FOXD1: variants seen among roughly 807,000 people sequenced by gnomAD.
FOXD1 encodes forkhead box protein D1.
Under a neutral mutation model 2.0 loss-of-function variants are expected in FOXD1, and 4 were observed. The observed-to-expected ratio is 2.03, with a 90% confidence interval of 1.00 to 4.64. The LOEUF (loss-of-function observed/expected upper bound fraction) is 4.64. FOXD1 is among the 30% of genes most tolerant of loss of function. FOXD1 has a pLI of 0.01. For missense variants in FOXD1, 586 were observed against 647.6 expected, an observed-to-expected ratio of 0.90 and a Z score of 1.03; for synonymous variants, 354 against 328.5, an observed-to-expected ratio of 1.08 and a Z score of -0.84.
At position 73,447,575 on chromosome 5, in the gene FOXD1, G is replaced by C; in HGVS notation, c.788C>G (p.Pro263Arg). The change falls in exon 1 of 1, where the codon CCG becomes CGG. Residue 263 changes from proline to arginine, a missense_variant. By Grantham distance (103) the Pro-to-Arg change is moderately radical. Around this residue, in one of 4 missense-constraint regions of FOXD1, gnomAD observed 253 missense variants for 234.4 expected, o/e 1.08. Transcript: ENST00000615637. The surrounding 1 kb of genome is among the most constrained non-coding windows in gnomAD (Gnocchi z 7.8). ...AAAALFPPAP[P>R]PPPHAYGYGP... ...GTAGCCGTAGGCATGCGGGGGCGGC[G>C]GGGGCGCGGGCGGGAAGAGCGCGGC... 17 of 1,103,048 alleles carry C rather than the reference G, an allele frequency of 1.5e-5. No individual in the cohort carries two copies. Among genetic ancestry groups the C allele is most frequent in the Non-Finnish European group, 1.9e-5 (17 of 902,366 alleles). 68.3% of individuals were successfully genotyped at this position (1,103,048 alleles called of 1,614,324 possible). A position where few individuals can be genotyped will look rare whatever the true frequency, so the allele number is the denominator to read the frequency against.
In FOXD1 at chr5:73,448,742, C is replaced by G. The variant is rs1017221021; in HGVS notation, c.-380G>C. ...AGGAACGTGCGGGACGGGTGAGAGT[C>G]TAAGAACAGAGCTCGGCGAGGCCAG... On this transcript the variant is annotated 5_prime_UTR_variant, in exon 1 of 1. Transcript: ENST00000615637. Among the ~76,000 whole-genome samples the G allele has an allele frequency of 3.3e-5, 5 of 151,024 alleles. No homozygotes were observed. The highest frequency in any genetic ancestry group is 1.2e-4 in the African/African-American group (5 of 41,094).
chr5:73,447,182 G>C lies in FOXD1; in HGVS notation c.1181C>G (p.Pro394Arg). The C allele has an allele frequency of 9.7e-7, 1 of 1,035,360 alleles. No individual in the cohort carries two copies. Among genetic ancestry groups the C allele is most frequent in the Non-Finnish European group, 1.2e-6 (1 of 866,364 alleles). The allele number at this position is 1,035,360 out of a possible 1,614,324, so 64.1% of individuals were successfully genotyped here. A position where few individuals can be genotyped will look rare whatever the true frequency, so the allele number is the denominator to read the frequency against. The stretch of plus-strand genomic sequence containing the variant: ...AGCTGGCGGCGCCGCCACCGGCGAG[G>C]GCGAGGGCGAGGCCTGAGCGGCGGC... Reference protein sequence around the residue: ...AAAAAQASPSPSPVAAPPAPG... With the variant: ...AAAAAQASPSRSPVAAPPAPG... The change falls in exon 1 of 1, where the codon CCC becomes CGC. Residue 394 changes from proline to arginine, a missense_variant. By Grantham distance (103) the Pro-to-Arg change is moderately radical (BLOSUM62 -2). Coordinates refer to ENST00000615637, the MANE Select transcript of FOXD1 (RefSeq NM_004472.3). This position sits in a 1 kb window ranked among gnomAD's most constrained non-coding sequence, Gnocchi z 7.8.
chr5:73,447,459 C>G lies in FOXD1; in HGVS notation c.904G>C (p.Ala302Pro), dbSNP rs1200614786. 2.0e-6 allele frequency: 2 copies of G among 986,332 alleles called. No individual in the cohort carries two copies. Among genetic ancestry groups the G allele is most frequent in the Non-Finnish European group, 2.4e-6 (2 of 833,694 alleles). The allele number at this position is 986,332 out of a possible 1,614,324, so 61.1% of individuals were successfully genotyped here. Residue 302 changes from alanine (A) to proline (P), a missense_variant, in exon 1 of 1, where the codon GCC becomes CCC. Physicochemically the swap from Ala to Pro is conservative, Grantham distance 27. Coordinates refer to ENST00000615637, the MANE Select transcript of FOXD1 (RefSeq NM_004472.3). This position sits in a 1 kb window ranked among gnomAD's most constrained non-coding sequence, Gnocchi z 7.8. ...FAAAAAAAAA[A>P]AFHPHSPPPP... ...GGGGGCGAGTGCGGGTGGAAGGCGG[C>G]GGCGGCGGCGGCGGCCGCTGCGGCG...
chr5:73,447,682 G>C lies in FOXD1; in HGVS notation c.681C>G (p.Leu227=). Residue 227 remains leucine, a synonymous_variant, in exon 1 of 1, where the codon CTC becomes CTG. Coordinates refer to ENST00000615637, the MANE Select transcript of FOXD1 (RefSeq NM_004472.3). This position sits in a 1 kb window ranked among gnomAD's most constrained non-coding sequence, Gnocchi z 7.8. The stretch of plus-strand genomic sequence containing the variant: ...ACTCGGCGGCCGCGGCGTTGGGTGG[G>C]AGCAGCGGCTGCCGCTTGAAGCGCT... ...RRKRFKRQPL[L]PPNAAAAESL... is the part of the protein sequence containing the mutation. 6.2e-7 allele frequency: 1 copy of C among 1,602,274 alleles called. No individual in the cohort carries two copies.
chr5:73,448,103 G>A lies in FOXD1; in HGVS notation c.260C>T (p.Pro87Leu), dbSNP rs1315272982. 18 of 1,181,554 alleles carry A rather than the reference G, an allele frequency of 1.5e-5. 1 individual carries two copies. Among genetic ancestry groups the A allele is most frequent in the Non-Finnish European group, 1.8e-5 (17 of 952,682 alleles). 73.2% of individuals were successfully genotyped at this position (1,181,554 alleles called of 1,614,324 possible). A position where few individuals can be genotyped will look rare whatever the true frequency, so the allele number is the denominator to read the frequency against. Residue 87 changes from proline to leucine, a missense_variant, in exon 1 of 1, where the codon CCG (proline) becomes CTG (leucine). By Grantham distance (98) the Pro-to-Leu change is moderately conservative. Transcript: ENST00000615637. Reference sequence around the variant, plus strand: ...CGCCGGGGCCGGGCCCGGGGGCGCCGGGGAGCCCCCAGCAGGCGGGGCCAG... The same window carrying A: ...CGCCGGGGCCGGGCCCGGGGGCGCCAGGGAGCCCCCAGCAGGCGGGGCCAG... ...ILLAPPAGGS[P>L]APPGPAPAAG...
Position 73,448,165 on chromosome 5 carries a change from C to T in FOXD1, c.198G>A (p.Glu66=), listed in dbSNP as rs1745546135. 7.0e-7 allele frequency: 1 copy of T among 1,437,980 alleles called. No homozygotes were observed. 89.1% of individuals were successfully genotyped at this position (1,437,980 alleles called of 1,614,324 possible). ...CGTCGTCCTCCTCCTCCTCCAGATCCTCCAGCTCGTCCTCCCCGGCGTACG... is the reference window on the plus strand; with the variant it reads ...CGTCGTCCTCCTCCTCCTCCAGATCTTCCAGCTCGTCCTCCCCGGCGTACG... The part of the protein sequence containing the change: ...RRSYAGEDEL[E]DLEEEEDDDD... The change falls in exon 1 of 1, where the codon GAG becomes GAA. Residue 66 remains glutamate (E), a synonymous_variant. Transcript: ENST00000615637.
chr5:73,448,202 CGCCGCCGCTGCGCGGGGACAGCCA>C lies in FOXD1; in HGVS notation c.137_160del (p.Leu46_Arg53del), dbSNP rs1745547115. Reference sequence around the variant, plus strand: ...CTCCCCGGCGTACGAGCGCCGCCGCCGCCGCCGCTGCGCGGGGACAGCCAGCCGGGGCCCGCCACCGCCGCCCTC... The same window carrying C: ...CTCCCCGGCGTACGAGCGCCGCCGCCGCCGGGGCCCGCCACCGCCGCCCTC... On this transcript the variant is annotated inframe_deletion, in exon 1 of 1. Coordinates refer to ENST00000615637, the MANE Select transcript of FOXD1 (RefSeq NM_004472.3). 6.8e-7 allele frequency: 1 copy of C among 1,460,894 alleles called. No individual in the cohort carries two copies. The highest frequency in any genetic ancestry group is 9.1e-7 in the Non-Finnish European group (1 of 1,101,220). 90.5% of individuals were successfully genotyped at this position (1,460,894 alleles called of 1,614,324 possible).
Position 73,448,336 on chromosome 5 carries a change from A to T in FOXD1, c.27T>A (p.Asp9Glu). MTLSTEMS[D>E]ASGLAEETDI... ...CTGTTTCCTCGGCGAGGCCAGAGGCATCGGACATCTCAGTGCTCAGGGTCA... is the reference window on the plus strand; with the variant it reads ...CTGTTTCCTCGGCGAGGCCAGAGGCTTCGGACATCTCAGTGCTCAGGGTCA... The change falls in exon 1 of 1, where the codon GAT becomes GAA. Residue 9 changes from aspartate (D) to glutamate (E), a missense_variant. Asp to Glu is a conservative substitution (Grantham distance 45). Around this residue, in one of 4 missense-constraint regions of FOXD1, gnomAD observed 183 missense variants for 159.2 expected, o/e 1.15. Transcript: ENST00000615637. 1 of 1,439,726 alleles carries T rather than the reference A, an allele frequency of 6.9e-7. No individual in the cohort carries two copies. The highest frequency in any genetic ancestry group is 9.2e-7 in the Non-Finnish European group (1 of 1,085,198). The allele number at this position is 1,439,726 out of a possible 1,614,324, so 89.2% of individuals were successfully genotyped here.
Position 73,448,103 on chromosome 5 carries a change from G to T in FOXD1, c.260C>A (p.Pro87Gln). ...CGCCGGGGCCGGGCCCGGGGGCGCC[G>T]GGGAGCCCCCAGCAGGCGGGGCCAG... is the stretch of plus-strand genomic sequence containing the variant. ...ILLAPPAGGS[P>Q]APPGPAPAAG... Residue 87 changes from proline to glutamine, a missense_variant, in exon 1 of 1, where the codon CCG becomes CAG. This residue lies in a region of FOXD1 where 183 missense variants were observed against 159.2 expected (regional missense o/e 1.15). Coordinates refer to ENST00000615637, the MANE Select transcript of FOXD1 (RefSeq NM_004472.3). 1 of 1,181,668 alleles carries T rather than the reference G, an allele frequency of 8.5e-7. No individual in the cohort carries two copies. Among genetic ancestry groups the T allele is most frequent in the Non-Finnish European group, 1.0e-6 (1 of 952,672 alleles). The allele number at this position is 1,181,668 out of a possible 1,614,324, so 73.2% of individuals were successfully genotyped here. A position where few individuals can be genotyped will look rare whatever the true frequency, so the allele number is the denominator to read the frequency against.
Position 73,448,076 on chromosome 5 carries a change from G to C in FOXD1, c.287C>G (p.Ala96Gly). 1 of 1,120,728 alleles carries C rather than the reference G, an allele frequency of 8.9e-7. No homozygotes were observed. The highest frequency in any genetic ancestry group is 1.1e-6 in the Non-Finnish European group (1 of 915,290). The allele number at this position is 1,120,728 out of a possible 1,614,324, so 69.4% of individuals were successfully genotyped here. A position where few individuals can be genotyped will look rare whatever the true frequency, so the allele number is the denominator to read the frequency against. The change falls in exon 1 of 1, where the codon GCG becomes GGG. Residue 96 changes from alanine (A) to glycine (G), a missense_variant. Ala to Gly is a moderately conservative substitution (Grantham distance 60, BLOSUM62 0). This residue lies in a region of FOXD1 where 183 missense variants were observed against 159.2 expected (regional missense o/e 1.15). Transcript: ENST00000615637. ...GCCGCCCCCACCGGCTCCTGCCCCC[G>C]CCGCCGGGGCCGGGCCCGGGGGCGC... ...SPAPPGPAPA[A>G]GAGAGGGGGG...
Position 73,447,604 on chromosome 5 carries a change from G to T in FOXD1, c.759C>A (p.Ala253=). ...GCGCGGGCGGGAAGAGCGCGGCGGC[G>T]GCTGCCGGGTCGCCCGCGCCCCCTG... ...GAAGGAGDPA[A]AAALFPPAPP... The change falls in exon 1 of 1, where the codon GCC becomes GCA. Residue 253 remains alanine, a synonymous_variant. Transcript: ENST00000615637. This position sits in a 1 kb window ranked among gnomAD's most constrained non-coding sequence, Gnocchi z 7.8. 5 of 1,212,980 alleles carry T rather than the reference G, an allele frequency of 4.1e-6. No homozygotes were observed. The highest frequency in any genetic ancestry group is 5.2e-6 in the Non-Finnish European group (5 of 970,450). 75.1% of individuals were successfully genotyped at this position (1,212,980 alleles called of 1,614,324 possible).
chr5:73,448,226 A>G lies in FOXD1; in HGVS notation c.137T>C (p.Leu46Pro). The G allele has an allele frequency of 6.8e-7, 1 of 1,477,472 alleles. No individual in the cohort carries two copies. Among genetic ancestry groups the G allele is most frequent in the Non-Finnish European group, 9.0e-7 (1 of 1,107,936 alleles). The allele number at this position is 1,477,472 out of a possible 1,614,324, so 91.5% of individuals were successfully genotyped here. A position where few individuals can be genotyped will look rare whatever the true frequency, so the allele number is the denominator to read the frequency against. ...CCGCCGCCGCTGCGCGGGGACAGCC[A>G]GCCGGGGCCCGCCACCGCCGCCCTC... ...DDEGGGGGPR[L>P]AVPAQRRRRR... The change falls in exon 1 of 1, where the codon CTG becomes CCG. Residue 46 changes from leucine to proline, a missense_variant. By Grantham distance (98) the Leu-to-Pro change is moderately conservative. Transcript: ENST00000615637.
Position 73,446,849 on chromosome 5 carries a change from G to A in FOXD1, c.*116C>T. ...CGAGAATTCGCAGCGGCGAAAATGG[G>A]CGCGCGAGGTCGAGAGGGGCCGCGC... On this transcript the variant is annotated 3_prime_UTR_variant, in exon 1 of 1. Coordinates refer to ENST00000615637, the MANE Select transcript of FOXD1 (RefSeq NM_004472.3). The A allele has an allele frequency of 3.3e-6, 3 of 904,788 alleles. No homozygotes were observed. Among genetic ancestry groups the A allele is most frequent in the Non-Finnish European group, 5.0e-6 (3 of 600,872 alleles). 56.0% of individuals were successfully genotyped at this position (904,788 alleles called of 1,614,324 possible).
chr5:73,448,776 C>T lies in FOXD1; in HGVS notation c.-414G>A, dbSNP rs191974635. On this transcript the variant is annotated 5_prime_UTR_variant, in exon 1 of 1. Coordinates refer to ENST00000615637, the MANE Select transcript of FOXD1 (RefSeq NM_004472.3). Reference sequence around the variant, plus strand: ...GAGCTCGGCGAGGCCAGGGCTGAGTCCAGGAGAGGGCGGACCTTCCTCGGC... The same window carrying T: ...GAGCTCGGCGAGGCCAGGGCTGAGTTCAGGAGAGGGCGGACCTTCCTCGGC... Among the ~76,000 whole-genome samples the T allele has an allele frequency of 6.6e-6, 1 of 152,162 alleles. No individual in the cohort carries two copies. Among genetic ancestry groups the T allele is most frequent in the Admixed American group, 6.5e-5 (1 of 15,288 alleles).
At position 73,447,859 on chromosome 5, in the gene FOXD1, G is replaced by A. The variant is rs1745536245; in HGVS notation, c.504C>T (p.Ala168=). The part of the protein sequence containing the change: ...RFPYYREKFP[A]WQNSIRHNLS... ...GGTTGTGGCGGATGCTGTTCTGCCA[G>A]GCGGGGAACTTCTCCCGGTAGTAGG... is the stretch of plus-strand genomic sequence containing the variant. The change falls in exon 1 of 1, where the codon GCC becomes GCT. Residue 168 remains alanine (A), a synonymous_variant. Transcript: ENST00000615637. This position sits in a 1 kb window ranked among gnomAD's most constrained non-coding sequence, Gnocchi z 7.8. 1 of 1,611,790 alleles carries A rather than the reference G, an allele frequency of 6.2e-7. No individual in the cohort carries two copies.
At position 73,447,574 on chromosome 5, in the gene FOXD1, C is replaced by T. The variant is rs1486995723; in HGVS notation, c.789G>A (p.Pro263=). 25 of 1,032,064 alleles carry T rather than the reference C, an allele frequency of 2.4e-5. No individual in the cohort carries two copies. The highest frequency in any genetic ancestry group is 2.2e-5 in the Non-Finnish European group (19 of 854,102). 63.9% of individuals were successfully genotyped at this position (1,032,064 alleles called of 1,614,324 possible). A position where few individuals can be genotyped will look rare whatever the true frequency, so the allele number is the denominator to read the frequency against. ...CGTAGCCGTAGGCATGCGGGGGCGGCGGGGGCGCGGGCGGGAAGAGCGCGG... is the reference window on the plus strand; with the variant it reads ...CGTAGCCGTAGGCATGCGGGGGCGGTGGGGGCGCGGGCGGGAAGAGCGCGG... The part of the protein sequence containing the change: ...AAAALFPPAP[P]PPPHAYGYGP... The change falls in exon 1 of 1, where the codon CCG becomes CCA. Residue 263 remains proline, a synonymous_variant. Transcript: ENST00000615637. The surrounding 1 kb of genome is among the most constrained non-coding windows in gnomAD (Gnocchi z 7.8).
Position 73,446,884 on chromosome 5 carries a change from C to G in FOXD1, c.*81G>C. The stretch of plus-strand genomic sequence containing the variant: ...TCGAGAGGGGCCGCGCCTGGAGGAG[C>G]GAACAAAACACCGAACCACCAAGAC... On this transcript the variant is annotated 3_prime_UTR_variant, in exon 1 of 1. Transcript: ENST00000615637. 7.9e-7 allele frequency: 1 copy of G among 1,263,816 alleles called. No individual in the cohort carries two copies. The highest frequency in any genetic ancestry group is 1.1e-6 in the Non-Finnish European group (1 of 905,978). The allele number at this position is 1,263,816 out of a possible 1,614,324, so 78.3% of individuals were successfully genotyped here.
At position 73,447,085 on chromosome 5, in the gene FOXD1, G is replaced by C. The variant is rs1380903141; in HGVS notation, c.1278C>G (p.Leu426=). The C allele has an allele frequency of 6.7e-6, 10 of 1,491,296 alleles. No individual in the cohort carries two copies. Among genetic ancestry groups the C allele is most frequent in the Non-Finnish European group, 8.9e-6 (10 of 1,118,942 alleles). The allele number at this position is 1,491,296 out of a possible 1,614,324, so 92.4% of individuals were successfully genotyped here. The stretch of plus-strand genomic sequence containing the variant: ...AGGCGGCGGCGGCCGCGGCGGCCAC[G>C]AGGGATCGGGTGAGCGCGGCCGCCG... ...VGPAAALTRS[L]VAAAAAAASS... is the part of the protein sequence containing the mutation. Residue 426 remains leucine, a synonymous_variant, in exon 1 of 1, where the codon CTC becomes CTG. Transcript: ENST00000615637. This position sits in a 1 kb window ranked among gnomAD's most constrained non-coding sequence, Gnocchi z 7.8.
In FOXD1 at chr5:73,447,103, G is replaced by A. The variant is rs1356836573; in HGVS notation, c.1260C>T (p.Ala420=). 1.5e-6 allele frequency: 2 copies of A among 1,333,814 alleles called. No homozygotes were observed. Among genetic ancestry groups the A allele is most frequent in the East Asian group, 3.3e-5 (1 of 29,936 alleles). 82.6% of individuals were successfully genotyped at this position (1,333,814 alleles called of 1,614,324 possible). The stretch of plus-strand genomic sequence containing the variant: ...CGGCCACGAGGGATCGGGTGAGCGC[G>A]GCCGCCGGGCCCACGGCCGCCTGCG... ...CAAQAAVGPA[A]ALTRSLVAAA... is the part of the protein sequence containing the mutation. The change falls in exon 1 of 1, where the codon GCC becomes GCT. Residue 420 remains alanine (A), a synonymous_variant. Coordinates refer to ENST00000615637, the MANE Select transcript of FOXD1 (RefSeq NM_004472.3). This position sits in a 1 kb window ranked among gnomAD's most constrained non-coding sequence, Gnocchi z 7.8.
Sources: gnomAD v4.1 joint callset for allele counts (sites outside exome capture counted in the v4.1 genomes callset) on GRCh38, gnomAD v4.1.1 for gene constraint, gnomAD v4.1.1 regional missense constraint, Gnocchi (gnomAD v3.1) non-coding constraint, MANE v1.5 for transcripts, NCBI Gene and HGNC (gene_info 2026-07-23, HGNC 2026-07-21) for gene names.